PTP4A1: variants seen among roughly 807,000 people sequenced by gnomAD.
The protein encoded by PTP4A1 is protein tyrosine phosphatase 4A1, also known as protein tyrosine phosphatase type IVA 1.
PTP4A1 carries 9 observed loss-of-function variants against 20.5 expected under a neutral mutation model. The ratio of observed to expected loss-of-function variants is 0.44; its 90% CI spans 0.26 to 0.77. The LOEUF (loss-of-function observed/expected upper bound fraction) is 0.77. Ranked by LOEUF, PTP4A1 falls within the 30% of genes least tolerant of loss-of-function variation. The pLI is 0.19. For missense variants in PTP4A1, 137 were observed against 218.8 expected, an observed-to-expected ratio of 0.63 and a Z score of 2.36; for synonymous variants, 78 against 67.4, an observed-to-expected ratio of 1.16 and a Z score of -0.77.
At chr6:63,546,024 T>TATA in intron 2 of PTP4A1, among the ~76,000 whole-genome samples, 1 of 152,302 alleles carries the variant, frequency 6.6e-6, no homozygotes, top group East Asian at 1.9e-4. Flanking sequence ...CACTTCAGGG[T>TATA]ATATATCCAA....
intron 3 of PTP4A1, among the ~76,000 whole-genome samples, chr6:63,552,055 C>G (rs1360208203): frequency 6.6e-6 from 1 of 152,136 alleles, no homozygotes; most frequent in Non-Finnish European, 1.5e-5. Flanking sequence ...TGGGTGTATA[C>G]CCAGTAATGG....
chr6:63,546,399 ATGT>A (rs1776180689), intron 2 of PTP4A1, among the ~76,000 whole-genome samples: 1 of 152,146 alleles, frequency 6.6e-6, no homozygotes, highest in Non-Finnish European at 1.5e-5. Context: ...AAATCAGGAG[ATGT>A]TGTTTAAAGA....
intron 5 of PTP4A1, among the ~76,000 whole-genome samples, 184 bp downstream of exon 5, chr6:63,579,515 C>G (rs1233905829): frequency 6.6e-6 from 1 of 152,186 alleles, no homozygotes; most frequent in Non-Finnish European, 1.5e-5. Context: ...TACTAAGATT[C>G]TAATCCAACA....
intron 3 of PTP4A1, among the ~76,000 whole-genome samples, chr6:63,555,692 C>T (rs368608952): frequency 3.7e-5 from 5 of 135,010 alleles, no homozygotes; most frequent in African/African-American, 1.1e-4. Context: ...CAATTACACT[C>T]TTTTTTTTTT....
chr6:63,525,985 C>G (rs1775148348), intron 1 of PTP4A1, among the ~76,000 whole-genome samples: 1 of 152,130 alleles, frequency 6.6e-6, no homozygotes, highest in Admixed American at 6.5e-5. Context: ...TACCAGTATA[C>G]AAAAGAGTGG....
At chr6:63,547,494 G>A (rs946832029) in intron 2 of PTP4A1, among the ~76,000 whole-genome samples, 1 of 149,752 alleles carries the variant, frequency 6.7e-6, no homozygotes, top group African/African-American at 2.5e-5. Flanking sequence ...CCGGCCAGGG[G>A]GGAATTTTTT....
At chr6:63,552,149 A>G (rs2149490729) in intron 3 of PTP4A1, among the ~76,000 whole-genome samples, 1 of 152,330 alleles carries the variant, frequency 6.6e-6, no homozygotes, top group East Asian at 1.9e-4. Context: ...ACTAGTTTAC[A>G]GTCCCACCAA....
intron 2 of PTP4A1, among the ~76,000 whole-genome samples, chr6:63,535,824 C>T (rs1174565068): frequency 6.6e-6 from 1 of 152,118 alleles, no homozygotes; most frequent in Admixed American, 6.6e-5. Flanking sequence ...ATGTTAAGTC[C>T]AGCACTTTTT....
upstream of PTP4A1, among the ~76,000 whole-genome samples, chr6:63,567,597 T>A (rs1318644928): frequency 1.3e-5 from 2 of 152,230 alleles, no homozygotes; most frequent in Non-Finnish European, 2.9e-5. Flanking sequence ...AGATTTAGCA[T>A]AATTTTTAAG....
At chr6:63,571,300 A>C (rs1326917658), upstream of PTP4A1, 2 of 152,234 alleles carry the variant, frequency 1.3e-5, no homozygotes, top group Non-Finnish European at 2.9e-5. Flanking sequence ...TTTGATCCCT[A>C]AAGCCCTCTC....
intron 2 of PTP4A1, among the ~76,000 whole-genome samples, chr6:63,542,382 C>T (rs1039212429): frequency 6.6e-6 from 1 of 151,838 alleles, no homozygotes; most frequent in East Asian, 1.9e-4. Context: ...AAGGAAATTA[C>T]TCATGTAACC....
upstream of PTP4A1, among the ~76,000 whole-genome samples, chr6:63,568,709 A>C (rs1261168488): frequency 6.6e-6 from 1 of 152,188 alleles, no homozygotes; most frequent in East Asian, 1.9e-4. Flanking sequence ...GTATGCCTGT[A>C]TACTACATAT....
In PTP4A1 at chr6:63,529,157, A is replaced by ATG. The variant is rs1775334826; in HGVS notation, c.-640+1079_-640+1080dup. 5.8e-5 allele frequency among the ~76,000 whole-genome samples: 6 copies of ATG among 103,056 alleles called. 1 individual carries two copies. Among genetic ancestry groups the ATG allele is most frequent in the South Asian group, 5.9e-4 (2 of 3,380 alleles). 67.6% of individuals were successfully genotyped at this position (103,056 alleles called of 152,430 possible). A position where few individuals can be genotyped will look rare whatever the true frequency, so the allele number is the denominator to read the frequency against. Reference sequence around the variant, plus strand: ...TGTGTGTATATATATATGTATATATATGTGTGTATATATATATATGTATAT... The same window carrying ATG: ...TGTGTGTATATATATATGTATATATATGTGTGTGTATATATATATATGTATAT... On this transcript the variant is annotated intron_variant, in intron 2 of 3. Coordinates refer to the PTP4A1 transcript ENST00000639568.
At chr6:63,556,548 G>C (rs1776695221) in intron 3 of PTP4A1, among the ~76,000 whole-genome samples, 1 of 152,138 alleles carries the variant, frequency 6.6e-6, no homozygotes, top group Non-Finnish European at 1.5e-5. Flanking sequence ...ATTTTTCTCA[G>C]GGCGTGGTTT....
chr6:63,547,241 G>A (rs1447385916), intron 2 of PTP4A1, among the ~76,000 whole-genome samples: 3 of 148,650 alleles, frequency 2.0e-5, no homozygotes, highest in African/African-American at 7.5e-5. Flanking sequence ...TGAGACTGGA[G>A]TGCAATGGTA....
upstream of PTP4A1, chr6:63,572,185 C>A (rs535419968): frequency 4.5e-5 from 7 of 154,776 alleles, no homozygotes; most frequent in African/African-American, 1.7e-4. Context: ...TGATTCCTTC[C>A]AGTCGATAAA....
chr6:63,563,013 A>T (rs2622313), intron 3 of PTP4A1, among the ~76,000 whole-genome samples: 19,685 of 152,014 alleles, frequency 0.13, 1,593 homozygotes, highest in African/African-American at 0.22. Context: ...GTGATGTAAA[A>T]CTTCTCCATT....
intron 3 of PTP4A1, among the ~76,000 whole-genome samples, chr6:63,553,175 G>T (rs1387113816): frequency 6.6e-6 from 1 of 152,100 alleles, no homozygotes; most frequent in African/African-American, 2.4e-5. Context: ...TACAAATTTT[G>T]CCTCATCAAA....
At chr6:63,575,515 A>C (rs1186234014) in intron 1 of PTP4A1, among the ~76,000 whole-genome samples, 4 of 152,200 alleles carry the variant, frequency 2.6e-5, no homozygotes, top group African/African-American at 4.8e-5. Context: ...ATATAAATAC[A>C]TTCATATTTG....
Sources: gnomAD v4.1 joint callset for allele counts (sites outside exome capture counted in the v4.1 genomes callset) on GRCh38, gnomAD v4.1.1 for gene constraint, MANE v1.5 for transcripts, NCBI Gene and HGNC (gene_info 2026-07-23, HGNC 2026-07-21) for gene names.